The following ARHGAP26 variants were observed in gnomAD, a reference collection of about 807,000 sequenced individuals.
ARHGAP26 encodes rho GTPase-activating protein 26.
Under a neutral mutation model 104.8 loss-of-function variants are expected in ARHGAP26, and 38 were observed. The ratio of observed to expected loss-of-function variants is 0.36; its 90% CI spans 0.28 to 0.48. The LOEUF (loss-of-function observed/expected upper bound fraction) is 0.48, where lower values mean the gene tolerates loss of function less well. Ranked by LOEUF, ARHGAP26 falls within the 20% of genes least tolerant of loss-of-function variation. ARHGAP26 has a pLI of 0.99. For synonymous variants in ARHGAP26, 341 were observed against 340.0 expected, an observed-to-expected ratio of 1.00 and a Z score of -0.03; for missense variants, 704 against 947.9, an observed-to-expected ratio of 0.74 and a Z score of 3.38.
rs1783518955 is a variant in ARHGAP26, at chr5:143,041,851, G to A, written c.1246G>A (p.Val416Ile). 6.2e-7 allele frequency: 1 copy of A among 1,602,882 alleles called. No homozygotes were observed. Among genetic ancestry groups the A allele is most frequent in the South Asian group, 1.1e-5 (1 of 88,920 alleles). Reference sequence around the variant, plus strand: ...GCAAGGGCTGTATCGAATTGTGGGTGTCAACTCCAGAGTGCAGAAGTTGCT... The same window carrying A: ...GCAAGGGCTGTATCGAATTGTGGGTATCAACTCCAGAGTGCAGAAGTTGCT... ...NEQGLYRIVG[V>I]NSRVQKLLSV... Residue 416 changes from valine (V) to isoleucine (I), a missense_variant, in exon 14 of 23, where the codon GTC (valine) becomes ATC (isoleucine). Transcript: ENST00000645722.
At chr5:142,802,013 G>A (rs566409361) in intron 1 of ARHGAP26, among the ~76,000 whole-genome samples, 1 of 152,124 alleles carries the variant, frequency 6.6e-6, no homozygotes, top group Admixed American at 6.6e-5. Context: ...ACATCAGAGG[G>A]GATCTGTTCC....
chr5:143,120,942 G>A (rs371749246), intron 17 of ARHGAP26, 46 bp from the exon 18 acceptor site: 6 of 1,580,958 alleles, frequency 3.8e-6, no homozygotes, highest in Non-Finnish European at 4.3e-6. Context: ...GTATCTCTGT[G>A]TACACGATTT....
chr5:143,051,981 A>G (rs1363988661), intron 14 of ARHGAP26, among the ~76,000 whole-genome samples: 1 of 152,220 alleles, frequency 6.6e-6, no homozygotes, highest in East Asian at 1.9e-4. Flanking sequence ...GGGGAGGGAA[A>G]GAGGTCATGC....
chr5:143,139,051 T>C (rs931061041), intron 19 of ARHGAP26, among the ~76,000 whole-genome samples: 3 of 152,136 alleles, frequency 2.0e-5, no homozygotes, highest in African/African-American at 7.2e-5. Context: ...CAAGGGAAAA[T>C]GTTTCCAGTT....
chr5:142,978,177 A>G (rs1773404192), intron 11 of ARHGAP26, among the ~76,000 whole-genome samples: 1 of 152,168 alleles, frequency 6.6e-6, no homozygotes, highest in African/African-American at 2.4e-5. Flanking sequence ...TCTTAACTGT[A>G]TTCAGAGGGG....
chr5:142,832,929 T>A (rs934969209), intron 1 of ARHGAP26, among the ~76,000 whole-genome samples: 3 of 152,102 alleles, frequency 2.0e-5, no homozygotes, highest in Non-Finnish European at 4.4e-5. Context: ...TACTTAAAAA[T>A]TTTTTTTGAT....
At chr5:143,198,499 A>G (rs1478711868) in intron 20 of ARHGAP26, among the ~76,000 whole-genome samples, 1 of 152,208 alleles carries the variant, frequency 6.6e-6, no homozygotes, top group Non-Finnish European at 1.5e-5. Context: ...GCCACGGTGC[A>G]CAATAGAAGC....
chr5:142,894,651 GT>G (rs1406922822), intron 6 of ARHGAP26, among the ~76,000 whole-genome samples: 17 of 152,276 alleles, frequency 1.1e-4, no homozygotes, highest in Non-Finnish European at 4.4e-5. Context: ...GAGGGGAGGG[GT>G]TCTCTATCTT....
chr5:143,192,217 A>G (rs978108759), intron 20 of ARHGAP26, among the ~76,000 whole-genome samples: 1 of 152,372 alleles, frequency 6.6e-6, no homozygotes, highest in East Asian at 1.9e-4. Flanking sequence ...CTGGAGAAAG[A>G]TCAAACTCAT....
At chr5:143,215,516 TG>T (rs1810206220) in intron 22 of ARHGAP26, among the ~76,000 whole-genome samples, 1 of 152,224 alleles carries the variant, frequency 6.6e-6, no homozygotes. Context: ...TACAATTCAA[TG>T]GTTTTTAGTA....
intron 1 of ARHGAP26, among the ~76,000 whole-genome samples, chr5:142,792,047 G>T (rs1028782955): frequency 2.7e-5 from 4 of 150,342 alleles, no homozygotes; most frequent in Admixed American, 6.6e-5. Context: ...AATTACAAAA[G>T]AGTCATTTTT....
At chr5:143,049,088 C>T (rs1267590920) in intron 14 of ARHGAP26, among the ~76,000 whole-genome samples, 1 of 152,008 alleles carries the variant, frequency 6.6e-6, no homozygotes, top group Admixed American at 6.5e-5. Flanking sequence ...TATATATCAC[C>T]ATGTAATCAT....
chr5:143,097,168 G>A (rs1177352147), intron 17 of ARHGAP26, among the ~76,000 whole-genome samples: 8 of 151,732 alleles, frequency 5.3e-5, no homozygotes, highest in Non-Finnish European at 1.2e-4. Flanking sequence ...GCGAAACCCC[G>A]TCTCTACTAA....
intron 1 of ARHGAP26, chr5:142,771,485 C>G (rs781522209): frequency 9.1e-6 from 10 of 1,101,260 alleles, no homozygotes; most frequent in Non-Finnish European, 1.1e-5. Context: ...TATTGGCAGC[C>G]AGTAATCTCT....
intron 21 of ARHGAP26, among the ~76,000 whole-genome samples, chr5:143,211,267 A>G (rs1045562569): frequency 1.3e-5 from 2 of 152,176 alleles, no homozygotes. Context: ...TTTTTCATAT[A>G]TGTATGTCCC....
At chr5:142,957,698 C>T (rs900958488) in intron 11 of ARHGAP26, among the ~76,000 whole-genome samples, 1 of 152,232 alleles carries the variant, frequency 6.6e-6, no homozygotes, top group Admixed American at 6.5e-5. Context: ...TTGCAGTGCA[C>T]ACTGCTTTTT....
At chr5:143,097,459 A>G (rs961558494) in intron 17 of ARHGAP26, among the ~76,000 whole-genome samples, 13 of 151,738 alleles carry the variant, frequency 8.6e-5, no homozygotes, top group African/African-American at 2.7e-4. Flanking sequence ...ACCTAATTCT[A>G]TAGAAGTCGT....
chr5:142,881,342 G>A (rs905667756), intron 4 of ARHGAP26, among the ~76,000 whole-genome samples: 2 of 152,202 alleles, frequency 1.3e-5, no homozygotes, highest in Non-Finnish European at 2.9e-5. Context: ...CCAAGGAGGT[G>A]AGGCAAGAGT....
At chr5:142,790,194 T>C (rs1759511788) in intron 1 of ARHGAP26, among the ~76,000 whole-genome samples, 1 of 152,116 alleles carries the variant, frequency 6.6e-6, no homozygotes, top group South Asian at 2.1e-4. Flanking sequence ...ATGATGGAAA[T>C]GAGATAACAC....
Sources: gnomAD v4.1 joint callset for allele counts (sites outside exome capture counted in the v4.1 genomes callset) on GRCh38, gnomAD v4.1.1 for gene constraint, MANE v1.5 for transcripts, NCBI Gene and HGNC (gene_info 2026-07-23, HGNC 2026-07-21) for gene names.